ANKFN1: variants seen among roughly 807,000 people sequenced by gnomAD.
The protein encoded by ANKFN1 is ankyrin repeat and fibronectin type III domain containing 1, also known as ankyrin repeat and fibronectin type-III domain-containing protein 1.
A neutral mutation model predicts 108.7 loss-of-function variants in ANKFN1; 74 were observed. The observed-to-expected ratio is 0.68, with a 90% CI of 0.56 to 0.83. The LOEUF (loss-of-function observed/expected upper bound fraction) is 0.83, where lower values mean the gene tolerates loss of function less well. ANKFN1 is among the 40% of genes least tolerant of loss of function. The pLI, the probability that ANKFN1 is intolerant of heterozygous loss-of-function variation, is 0.00. For synonymous variants in ANKFN1, 547 were observed against 516.2 expected (o/e 1.06, Z -0.81); for missense variants, 1,505 against 1,382.3 (o/e 1.09, Z -1.41).
intron 6 of ANKFN1, among the ~76,000 whole-genome samples, chr17:56,361,311 C>T (rs1206085278): frequency 1.3e-5 from 2 of 152,112 alleles, no homozygotes; most frequent in African/African-American, 4.8e-5. Flanking sequence ...AGGTTCCCAT[C>T]CCCCAAAACC....
At chr17:56,308,074 C>T (rs1327728689) in intron 3 of ANKFN1, among the ~76,000 whole-genome samples, 1 of 152,030 alleles carries the variant, frequency 6.6e-6, no homozygotes, top group Non-Finnish European at 1.5e-5. Flanking sequence ...ACATCACACA[C>T]CGGGGCCTGT....
At chr17:56,206,131 A>T (rs1205924634) in intron 1 of ANKFN1, among the ~76,000 whole-genome samples, 1 of 152,152 alleles carries the variant, frequency 6.6e-6, no homozygotes, top group Non-Finnish European at 1.5e-5. Context: ...CATGATAAAA[A>T]ATTTTGGAGA....
At chr17:56,090,895 A>G (rs1260897423) in intron 4 of ANKFN1, among the ~76,000 whole-genome samples, 1 of 151,320 alleles carries the variant, frequency 6.6e-6, no homozygotes, top group Non-Finnish European at 1.5e-5. Flanking sequence ...GGTGTGAGCC[A>G]CCGTGCCTGG....
At chr17:56,249,788 T>C (rs1297174541) in intron 3 of ANKFN1, among the ~76,000 whole-genome samples, 1 of 152,156 alleles carries the variant, frequency 6.6e-6, no homozygotes, top group East Asian at 1.9e-4. Context: ...TTCAGTGCTG[T>C]GGATCTGTTG....
intron 13 of ANKFN1, 122 bp downstream of exon 13, chr17:56,457,511 C>G: frequency 4.4e-6 from 5 of 1,146,168 alleles, no homozygotes; most frequent in Non-Finnish European, 6.2e-6. Flanking sequence ...TAAAGTATCT[C>G]CAAGGTCCTT....
chr17:56,195,719 A>G (rs1913444295), intron 1 of ANKFN1, among the ~76,000 whole-genome samples: 1 of 152,198 alleles, frequency 6.6e-6, no homozygotes, highest in Non-Finnish European at 1.5e-5. Context: ...CAAATGACTT[A>G]AAGTATCACT....
chr17:56,050,110 A>T (rs1484752004), intron 4 of ANKFN1, among the ~76,000 whole-genome samples: 11 of 151,784 alleles, frequency 7.2e-5, no homozygotes, highest in South Asian at 4.2e-4. Context: ...GGTATCTCAT[A>T]GTGGTTTTGA....
Position 56,511,353 on chromosome 17 carries a change from A to G in ANKFN1, c.*84A>G, listed in dbSNP as rs1371660588. The G allele has an allele frequency of 1.1e-5, 14 of 1,286,004 alleles. 1 individual carries two copies. In the South Asian group the frequency reaches 1.9e-4, roughly 17 times the overall value. The allele number at this position is 1,286,004 out of a possible 1,614,324, so 79.7% of individuals were successfully genotyped here. ...TTACCCCCATCCTGCCCCACTGTGT[A>G]CCCACTCATTTTCAAGCGTTTTGAA... On this transcript the variant is annotated 3_prime_UTR_variant, in exon 21 of 21. Transcript: ENST00000682825.
chr17:56,476,049 AG>A (rs1323243943), intron 15 of ANKFN1, among the ~76,000 whole-genome samples: 1 of 152,198 alleles, frequency 6.6e-6, no homozygotes, highest in East Asian at 1.9e-4. Flanking sequence ...AGAGTGAGGC[AG>A]GAAGTGCCAC....
chr17:56,405,054 G>C (rs1411296746), intron 8 of ANKFN1, among the ~76,000 whole-genome samples: 2 of 152,214 alleles, frequency 1.3e-5, no homozygotes, highest in Non-Finnish European at 2.9e-5. Flanking sequence ...ACCTGTTCCA[G>C]TGGAGGTGGT....
chr17:56,193,910 A>T (rs1913249245), intron 1 of ANKFN1, among the ~76,000 whole-genome samples: 1 of 152,262 alleles, frequency 6.6e-6, no homozygotes, highest in African/African-American at 2.4e-5. Context: ...AAATAAAGAA[A>T]TCTTAAAACC....
At chr17:56,446,747 T>C (rs377376066) in intron 10 of ANKFN1, among the ~76,000 whole-genome samples, 9 of 151,560 alleles carry the variant, frequency 5.9e-5, no homozygotes, top group East Asian at 2.0e-4. Flanking sequence ...CTACTAAAAA[T>C]ACAAAAATTA....
chr17:56,433,312 C>T (rs1049269320), intron 8 of ANKFN1, among the ~76,000 whole-genome samples: 2 of 151,982 alleles, frequency 1.3e-5, no homozygotes, highest in African/African-American at 2.4e-5. Context: ...GCAACAAAGA[C>T]CTGTTTTAGA....
At chr17:56,167,837 C>T (rs1910297368) in intron 1 of ANKFN1, among the ~76,000 whole-genome samples, 1 of 152,116 alleles carries the variant, frequency 6.6e-6, no homozygotes, top group South Asian at 2.1e-4. Flanking sequence ...AAGGCTCTCA[C>T]TTAAGCAATT....
intron 3 of ANKFN1, among the ~76,000 whole-genome samples, chr17:56,311,515 T>A (rs2045025637): frequency 6.6e-6 from 1 of 152,098 alleles, no homozygotes; most frequent in South Asian, 2.1e-4. Flanking sequence ...ATGTATGTCA[T>A]TTTTTTTACT....
chr17:56,094,473 T>G (rs1005613121), intron 4 of ANKFN1, among the ~76,000 whole-genome samples: 7 of 126,368 alleles, frequency 5.5e-5, no homozygotes, highest in African/African-American at 2.1e-4. Flanking sequence ...AGTTGTTTCT[T>G]CTTTTTTTTT....
At chr17:56,095,414 C>A (rs535566572) in intron 4 of ANKFN1, among the ~76,000 whole-genome samples, 1 of 150,978 alleles carries the variant, frequency 6.6e-6, no homozygotes, top group African/African-American at 2.4e-5. Flanking sequence ...ACCTCAGCCT[C>A]TCAAGTATCT....
chr17:56,309,754 A>C (rs1234683840), intron 3 of ANKFN1, among the ~76,000 whole-genome samples: 1 of 152,246 alleles, frequency 6.6e-6, no homozygotes, highest in Non-Finnish European at 1.5e-5. Flanking sequence ...AATGAGGCAC[A>C]GTAAGTTATT....
intron 6 of ANKFN1, among the ~76,000 whole-genome samples, chr17:56,364,616 G>A (rs866745414): frequency 3.9e-5 from 6 of 152,242 alleles, no homozygotes; most frequent in Non-Finnish European, 8.8e-5. Context: ...TGGCTTGCAT[G>A]TTGTGCTTTT....
Sources: allele counts gnomAD v4.1 joint callset (sites outside exome capture counted in the v4.1 genomes callset), GRCh38; gene constraint gnomAD v4.1.1; transcripts MANE v1.5; gene names NCBI Gene and HGNC (gene_info 2026-07-23, HGNC 2026-07-21).